Variants in UGT1A10 observed in about 807,000 individuals in gnomAD.
UGT1A10 encodes UDP glucuronosyltransferase family 1 member A10, also known as UDP-glucuronosyltransferase 1A10.
UGT1A10 carries 49 observed loss-of-function variants against 45.8 expected under a neutral mutation model. The ratio of observed to expected loss-of-function variants is 1.07; its 90% CI spans 0.85 to 1.36. The LOEUF is 1.36. UGT1A10 is among the 40% of genes most tolerant of loss of function. The pLI, the probability that UGT1A10 is intolerant of heterozygous loss-of-function variation, is 0.00. For synonymous variants in UGT1A10, 284 were observed against 249.7 expected (o/e 1.14, Z -1.29); for missense variants, 745 against 668.6 (o/e 1.11, Z -1.26).
intron 1 of UGT1A10, chr2:233,760,643 ACT>A: frequency 6.2e-7 from 1 of 1,614,148 alleles, no homozygotes; most frequent in Non-Finnish European, 8.5e-7. Context: ...ATAAAAAAGG[ACT>A]CTGCTATGCT....
Position 233,743,652 on chromosome 2 carries a change from A to ACTCGAAGGGGTC in UGT1A10, c.856-23372_856-23361dup, listed in dbSNP as rs1188916157. On this transcript the variant is annotated intron_variant, in intron 1 of 4. Transcript: ENST00000344644. The stretch of plus-strand genomic sequence containing the variant: ...GCTGGGTCGCGGAAGCTGAAGACGT[A>ACTCGAAGGGGTC]CTCGAAGGGGTCCTCGAAGGGCCTG... 5.9e-6 allele frequency: 8 copies of ACTCGAAGGGGTC among 1,367,190 alleles called. No homozygotes were observed. The South Asian group carries it at 9.1e-5, about 16-fold the overall frequency. The allele number at this position is 1,367,190 out of a possible 1,614,324, so 84.7% of individuals were successfully genotyped here. A position where few individuals can be genotyped will look rare whatever the true frequency, so the allele number is the denominator to read the frequency against.
At chr2:233,643,536 C>T (rs1049846542) in intron 1 of UGT1A10, among the ~76,000 whole-genome samples, 4 of 152,084 alleles carry the variant, frequency 2.6e-5, no homozygotes, top group Non-Finnish European at 2.9e-5. Flanking sequence ...TCTTGATGCT[C>T]TATCCCCCTG....
intron 1 of UGT1A10, among the ~76,000 whole-genome samples, chr2:233,739,678 T>A (rs1691173919): frequency 6.6e-6 from 1 of 152,240 alleles, no homozygotes; most frequent in Non-Finnish European, 1.5e-5. Context: ...TGGAAGTTAC[T>A]AACTTGTTTT....
chr2:233,754,878 C>G (rs1478307261), intron 1 of UGT1A10: 1 of 1,352,412 alleles, frequency 7.4e-7, no homozygotes, highest in Non-Finnish European at 9.9e-7. Context: ...GCTTCTGCTT[C>G]CCAGGGAGTT....
intron 1 of UGT1A10, chr2:233,671,962 C>T: frequency 2.5e-6 from 4 of 1,613,690 alleles, no homozygotes; most frequent in African/African-American, 1.3e-5. Context: ...GACCAGCCCC[C>T]TTCCTCTATG....
chr2:233,760,508 A>G (rs983416663), intron 1 of UGT1A10: 1 of 1,614,272 alleles, frequency 6.2e-7, no homozygotes, highest in Non-Finnish European at 8.5e-7. Flanking sequence ...GGAGCATTTT[A>G]CACCTTGAAG....
intron 1 of UGT1A10, among the ~76,000 whole-genome samples, chr2:233,701,112 T>A (rs1234680101): frequency 6.6e-6 from 1 of 152,196 alleles, no homozygotes; most frequent in Non-Finnish European, 1.5e-5. Flanking sequence ...CTTAATCCAG[T>A]CTATCATTGA....
intron 1 of UGT1A10, chr2:233,681,944 C>G: frequency 1.2e-6 from 2 of 1,612,684 alleles, no homozygotes; most frequent in Non-Finnish European, 1.7e-6. Flanking sequence ...TCTGATGGCT[C>G]GTGCAGGGTG....
chr2:233,747,798 A>T (rs1693779334), intron 1 of UGT1A10: 1 of 1,613,348 alleles, frequency 6.2e-7, no homozygotes, highest in Non-Finnish European at 8.5e-7. Context: ...CTATATTCCT[A>T]AGTTACTAAC....
intron 1 of UGT1A10, chr2:233,672,506 C>T (rs774848302): frequency 1.2e-6 from 2 of 1,613,914 alleles, no homozygotes; most frequent in South Asian, 2.2e-5. Flanking sequence ...TCCTATGTCC[C>T]CAGAATTCTC....
At chr2:233,737,427 G>T (rs1289829376) in intron 1 of UGT1A10, among the ~76,000 whole-genome samples, 1 of 152,214 alleles carries the variant, frequency 6.6e-6, no homozygotes, top group Non-Finnish European at 1.5e-5. Flanking sequence ...ACAGTATTTG[G>T]GTGGGAGTGT....
At chr2:233,755,333 G>T (rs878855763) in intron 1 of UGT1A10, 4 of 455,148 alleles carry the variant, frequency 8.8e-6, no homozygotes, top group Admixed American at 7.1e-5. Context: ...CAGCACCCGC[G>T]CACAGGTCAG....
At chr2:233,767,255 G>C in intron 2 of UGT1A10, 90 bp downstream of exon 2, 1 of 1,596,760 alleles carries the variant, frequency 6.3e-7, no homozygotes, top group Non-Finnish European at 8.5e-7. Flanking sequence ...CTCTTAATTG[G>C]AACCTTAGAT....
chr2:233,769,855 C>T lies in UGT1A10; in HGVS notation c.1295+1416C>T. The T allele has an allele frequency of 2.7e-6, 1 of 372,078 alleles. No individual in the cohort carries two copies. The highest frequency in any genetic ancestry group is 4.4e-6 in the Non-Finnish European group (1 of 226,694). The allele number at this position is 372,078 out of a possible 1,614,324, so 23.0% of individuals were successfully genotyped here. On this transcript the variant is annotated intron_variant, in intron 4 of 4. Coordinates refer to ENST00000344644, the MANE Select transcript of UGT1A10 (RefSeq NM_019075.4). The surrounding 1 kb of genome is among the most constrained non-coding windows in gnomAD (Gnocchi z 4.4). ...CCTGGGCAACAGAGTGAGACCCTGT[C>T]TCAAAAAAAAAAAAAAAAATGAAAA...
intron 1 of UGT1A10, among the ~76,000 whole-genome samples, chr2:233,749,044 C>T (rs1240324138): frequency 6.6e-6 from 1 of 151,716 alleles, no homozygotes. Context: ...TGATGTGGTA[C>T]TCTGGGACCT....
intron 1 of UGT1A10, among the ~76,000 whole-genome samples, chr2:233,667,726 T>C (rs1040959524): frequency 2.0e-5 from 3 of 152,178 alleles, no homozygotes; most frequent in African/African-American, 7.2e-5. Context: ...GTGAAGGATA[T>C]GAACAGACCC....
intron 1 of UGT1A10, among the ~76,000 whole-genome samples, chr2:233,647,568 G>T (rs1401170290): frequency 6.6e-6 from 1 of 152,160 alleles, no homozygotes; most frequent in African/African-American, 2.4e-5. Flanking sequence ...AATTTAAAAG[G>T]TACAGATTAT....
intron 1 of UGT1A10, chr2:233,672,608 A>G (rs2074232969): frequency 6.2e-7 from 1 of 1,613,834 alleles, no homozygotes; most frequent in Non-Finnish European, 8.5e-7. Context: ...CGTTTTTTCA[A>G]AAATGCCCTA....
intron 1 of UGT1A10, among the ~76,000 whole-genome samples, chr2:233,716,034 G>GCAT (rs1226945298): frequency 1.3e-5 from 2 of 152,146 alleles, no homozygotes; most frequent in Non-Finnish European, 2.9e-5. Flanking sequence ...TTTGATGTCA[G>GCAT]CATTCTGATT....
Sources: allele counts gnomAD v4.1 joint callset (sites outside exome capture counted in the v4.1 genomes callset), GRCh38; gene constraint gnomAD v4.1.1; non-coding constraint Gnocchi (gnomAD v3.1); transcripts MANE v1.5; gene names NCBI Gene and HGNC (gene_info 2026-07-23, HGNC 2026-07-21).